Variants in KIAA1549 observed in about 807,000 individuals in gnomAD.
KIAA1549 encodes UPF0606 protein KIAA1549.
Under a neutral mutation model 156.4 loss-of-function variants are expected in KIAA1549, and 70 were observed. That is an observed-to-expected ratio of 0.45 (90% CI 0.37 to 0.55). KIAA1549 has a LOEUF of 0.55. Ranked by LOEUF, KIAA1549 falls within the 20% of genes least tolerant of loss-of-function variation. KIAA1549 has a pLI of 0.00. For missense variants in KIAA1549, 2,428 were observed against 2,540.9 expected, an observed-to-expected ratio of 0.96 and a Z score of 0.96; for synonymous variants, 1,103 against 1,066.4, an observed-to-expected ratio of 1.03 and a Z score of -0.67.
chr7:138,842,123 C>T (rs1196819140), intron 18 of KIAA1549, among the ~76,000 whole-genome samples: 3 of 152,200 alleles, frequency 2.0e-5, no homozygotes, highest in Non-Finnish European at 4.4e-5. Flanking sequence ...GCGCGGTGTT[C>T]CCTGTTTCCA....
intron 1 of KIAA1549, among the ~76,000 whole-genome samples, chr7:138,940,959 G>A (rs1813166502): frequency 6.6e-6 from 1 of 152,050 alleles, no homozygotes; most frequent in Non-Finnish European, 1.5e-5. Flanking sequence ...CTCCCATTCT[G>A]TAGGTTGCCT....
At chr7:138,900,541 A>G (rs1050394851) in intron 8 of KIAA1549, among the ~76,000 whole-genome samples, 8 of 152,224 alleles carry the variant, frequency 5.3e-5, no homozygotes, top group Non-Finnish European at 8.8e-5. Context: ...TAAAGATTCT[A>G]CAAGTCTGTC....
At chr7:138,893,616 T>G (rs1424962157) in intron 10 of KIAA1549, among the ~76,000 whole-genome samples, 8 of 152,228 alleles carry the variant, frequency 5.3e-5, no homozygotes. Context: ...GTTCAAGGTA[T>G]GTATTGTTCG....
intron 1 of KIAA1549, among the ~76,000 whole-genome samples, chr7:138,939,988 A>C (rs1435058525): frequency 6.6e-6 from 1 of 152,132 alleles, no homozygotes; most frequent in African/African-American, 2.4e-5. Flanking sequence ...TTCTACAAAA[A>C]AAATTTTTTT....
intron 1 of KIAA1549, among the ~76,000 whole-genome samples, chr7:138,966,369 G>A (rs1814024635): frequency 6.6e-6 from 1 of 152,078 alleles, no homozygotes; most frequent in South Asian, 2.1e-4. Flanking sequence ...GGGTTCTCTA[G>A]AGGGACAGAA....
At position 138,903,727 on chromosome 7, in the gene KIAA1549, C is replaced by T. The variant is rs1033875889; in HGVS notation, c.3530G>A (p.Gly1177Asp). 1 of 1,594,198 alleles carries T rather than the reference C, an allele frequency of 6.3e-7. No homozygotes were observed. The highest frequency in any genetic ancestry group is 2.3e-5 in the East Asian group (1 of 44,134). The stretch of plus-strand genomic sequence containing the variant: ...ATTCTGGAGTTGCTTCTCCATGACG[C>T]CCAGGAGAACTACATTTAAATGAAA... ...KSSWVRTVLL[G>D]VMEKQLQNEV... Residue 1177 changes from glycine (G) to aspartate (D), a missense_variant, in exon 8 of 20, where the codon GGC becomes GAC. Gly to Asp is a moderately conservative substitution (Grantham distance 94). Transcript: ENST00000422774.
At position 138,918,117 on chromosome 7, in the gene KIAA1549, C is replaced by T. The variant is rs763009356; in HGVS notation, c.1509G>A (p.Thr503=). Residue 503 remains threonine (T), a synonymous_variant, in exon 2 of 20, where the codon ACG becomes ACA. Transcript: ENST00000422774. This position sits in a 1 kb window ranked among gnomAD's most constrained non-coding sequence, Gnocchi z 4.2. The stretch of plus-strand genomic sequence containing the variant: ...CCACCTCGGCAGAAATGCCAACACT[C>T]GTCTCTGAGATTTCCATGGATCTAG... ...LSSRSMEISE[T]SVGISAEVDM... is the part of the protein sequence containing the mutation. 6.2e-6 allele frequency: 10 copies of T among 1,613,956 alleles called. No individual in the cohort carries two copies. The highest frequency in any genetic ancestry group is 2.2e-5 in the East Asian group (1 of 44,884).
At chr7:138,871,456 G>A (rs1810936586) in intron 12 of KIAA1549, 94 bp from the exon 13 acceptor site, 1 of 1,164,672 alleles carries the variant, frequency 8.6e-7, no homozygotes, top group Admixed American at 3.2e-5. Context: ...AGAATCTTTG[G>A]ATGGGCCTCT....
chr7:138,958,506 G>C (rs1360132958), intron 1 of KIAA1549, among the ~76,000 whole-genome samples: 1 of 152,204 alleles, frequency 6.6e-6, no homozygotes, highest in Admixed American at 6.5e-5. Context: ...CACAGAAGTG[G>C]AAACTGACAT....
chr7:138,943,164 G>A (rs1813233589), intron 1 of KIAA1549, among the ~76,000 whole-genome samples: 1 of 152,200 alleles, frequency 6.6e-6, no homozygotes, highest in South Asian at 2.1e-4. Flanking sequence ...TGACAACAGT[G>A]GCAACAATGA....
At chr7:138,923,881 C>T (rs1268430261) in intron 1 of KIAA1549, among the ~76,000 whole-genome samples, 1 of 152,162 alleles carries the variant, frequency 6.6e-6, no homozygotes, top group African/African-American at 2.4e-5. Flanking sequence ...ATATTTCTAG[C>T]TGGTTCTCCT....
intron 1 of KIAA1549, among the ~76,000 whole-genome samples, chr7:138,975,507 C>A (rs1814348581): frequency 6.6e-6 from 1 of 152,102 alleles, no homozygotes; most frequent in South Asian, 2.1e-4. Context: ...GAGAAATGAG[C>A]TACAAGGAGC....
intron 1 of KIAA1549, among the ~76,000 whole-genome samples, chr7:138,976,418 C>CA (rs5887915): frequency 1 from 152,310 of 152,310 alleles, 76,155 homozygotes; most frequent in Non-Finnish European, 1. Flanking sequence ...TGCAAGATAC[C>CA]AATGGTATAC....
chr7:138,896,849 C>T (rs1811697621), intron 9 of KIAA1549, among the ~76,000 whole-genome samples: 1 of 152,088 alleles, frequency 6.6e-6, no homozygotes, highest in Admixed American at 6.5e-5. Flanking sequence ...GATCCTCCTG[C>T]CTCTATCTCC....
intron 1 of KIAA1549, among the ~76,000 whole-genome samples, chr7:138,922,523 A>G (rs1305006888): frequency 3.9e-5 from 6 of 152,200 alleles, no homozygotes; most frequent in African/African-American, 1.2e-4. Flanking sequence ...GTTATATTTA[A>G]TTCATTTAAA....
intron 2 of KIAA1549, among the ~76,000 whole-genome samples, chr7:138,913,378 G>T (rs1404144201): frequency 6.6e-6 from 1 of 152,114 alleles, no homozygotes; most frequent in Non-Finnish European, 1.5e-5. Context: ...CCAAAGCCTA[G>T]TTCTGTTTGA....
intron 1 of KIAA1549, among the ~76,000 whole-genome samples, chr7:138,929,587 A>G (rs527793683): frequency 1.4e-4 from 21 of 151,992 alleles, no homozygotes; most frequent in Non-Finnish European, 2.6e-4. Flanking sequence ...AGAATGGTGA[A>G]CCTTTTCCAG....
At position 138,919,585 on chromosome 7, in the gene KIAA1549, C is replaced by T. The variant is rs372118870; in HGVS notation, c.188-147G>A. On this transcript the variant is annotated intron_variant, in intron 1 of 19. Coordinates refer to ENST00000422774, the MANE Select transcript of KIAA1549 (RefSeq NM_001164665.2). The stretch of plus-strand genomic sequence containing the variant: ...TCACCGTCAGAAGTTAAACAGCTAG[C>T]TGGAAACGAGAAATTGACAGAATTA... 244 of 1,347,098 alleles carry T rather than the reference C, an allele frequency of 1.8e-4. 6 individuals carry two copies. The African/African-American group carries it at 2.4e-3, about 13-fold the overall frequency. The allele number at this position is 1,347,098 out of a possible 1,614,324, so 83.4% of individuals were successfully genotyped here. A position where few individuals can be genotyped will look rare whatever the true frequency, so the allele number is the denominator to read the frequency against.
At chr7:138,966,246 T>C (rs753387775) in intron 1 of KIAA1549, among the ~76,000 whole-genome samples, 9 of 151,962 alleles carry the variant, frequency 5.9e-5, no homozygotes, top group Non-Finnish European at 1.0e-4. Context: ...CCCTATCCAA[T>C]ACCACGGTCC....
Sources: gnomAD v4.1 joint callset for allele counts (sites outside exome capture counted in the v4.1 genomes callset) on GRCh38, gnomAD v4.1.1 for gene constraint, Gnocchi (gnomAD v3.1) non-coding constraint, MANE v1.5 for transcripts, NCBI Gene and HGNC (gene_info 2026-07-23, HGNC 2026-07-21) for gene names.